RABGAP1L: variants seen among roughly 807,000 people sequenced by gnomAD.
RABGAP1L encodes the protein RAB GTPase activating protein 1 like.
Under a neutral mutation model 137.7 loss-of-function variants are expected in RABGAP1L, and 63 were observed. That is an observed-to-expected ratio of 0.46 (90% confidence interval 0.37 to 0.56). The LOEUF (loss-of-function observed/expected upper bound fraction) is 0.56, where lower values mean the gene tolerates loss of function less well. RABGAP1L is among the 20% of genes least tolerant of loss of function. The probability of loss-of-function intolerance (pLI) is 0.00; values close to 1 mark genes in which losing one functional copy is unlikely to be tolerated. For synonymous variants in RABGAP1L, 431 were observed against 433.7 expected, an observed-to-expected ratio of 0.99 and a Z score of 0.08; for missense variants, 1,095 against 1,244.0, an observed-to-expected ratio of 0.88 and a Z score of 1.80.
At chr1:174,833,408 G>GTGTGTGTGTATATATA (rs754029582) in intron 19 of RABGAP1L, among the ~76,000 whole-genome samples, 5 of 67,682 alleles carry the variant, frequency 7.4e-5, no homozygotes, top group East Asian at 4.0e-4. Flanking sequence ...GTGTATGTGT[G>GTGTGTGTGTATATATA]TATGTGTGTG....
At chr1:174,947,449 C>T (rs1667063471) in intron 19 of RABGAP1L, among the ~76,000 whole-genome samples, 3 of 151,784 alleles carry the variant, frequency 2.0e-5, no homozygotes. Flanking sequence ...TGGAGTTTCG[C>T]TCCTGTCACC....
chr1:174,776,052 T>C (rs936832656), intron 18 of RABGAP1L, among the ~76,000 whole-genome samples: 2 of 152,102 alleles, frequency 1.3e-5, no homozygotes, highest in Admixed American at 6.6e-5. Context: ...CCATTTTCCA[T>C]TGTCCTCCAT....
At chr1:174,202,469 A>G (rs1217755932) in intron 1 of RABGAP1L, among the ~76,000 whole-genome samples, 1 of 152,164 alleles carries the variant, frequency 6.6e-6, no homozygotes, top group Non-Finnish European at 1.5e-5. Flanking sequence ...GTGTCTGTTC[A>G]TATCCTTCGC....
chr1:174,894,341 A>G (rs1656775184), intron 19 of RABGAP1L, among the ~76,000 whole-genome samples: 1 of 152,230 alleles, frequency 6.6e-6, no homozygotes, highest in Non-Finnish European at 1.5e-5. Context: ...GACAGGAAAT[A>G]TATCTTCCAT....
chr1:174,646,336 T>A (rs932773692), intron 14 of RABGAP1L, among the ~76,000 whole-genome samples: 2 of 152,204 alleles, frequency 1.3e-5, no homozygotes, highest in Non-Finnish European at 2.9e-5. Flanking sequence ...AGGATTTTTA[T>A]GGTTTTAGGT....
At chr1:174,743,691 T>TA (rs1275253397) in intron 17 of RABGAP1L, among the ~76,000 whole-genome samples, 6 of 151,900 alleles carry the variant, frequency 3.9e-5, no homozygotes, top group African/African-American at 1.5e-4. Flanking sequence ...TATGTTTTTT[T>TA]AAAAAAAATT....
intron 10 of RABGAP1L, among the ~76,000 whole-genome samples, chr1:174,279,195 C>G (rs1675273165): frequency 6.6e-6 from 1 of 151,990 alleles, no homozygotes; most frequent in South Asian, 2.1e-4. Context: ...ATTAGATAGA[C>G]AATATTATAT....
intron 13 of RABGAP1L, among the ~76,000 whole-genome samples, chr1:174,478,485 C>T (rs1443241689): frequency 6.6e-6 from 1 of 151,944 alleles, no homozygotes; most frequent in Non-Finnish European, 1.5e-5. Flanking sequence ...CTGTGTTGCC[C>T]AGGCTAATCT....
chr1:174,983,758 G>A (rs1167646903), intron 24 of RABGAP1L, among the ~76,000 whole-genome samples: 2 of 152,116 alleles, frequency 1.3e-5, no homozygotes, highest in Non-Finnish European at 2.9e-5. Context: ...TGTATATAAA[G>A]TGCTTATATT....
chr1:174,368,114 C>G (rs535258565), intron 11 of RABGAP1L: 2 of 152,316 alleles, frequency 1.3e-5, no homozygotes, highest in African/African-American at 4.8e-5. Context: ...CATGCACACA[C>G]GCAAGCAGAC....
chr1:174,620,639 A>G (rs368189423), intron 13 of RABGAP1L, among the ~76,000 whole-genome samples: 1 of 152,250 alleles, frequency 6.6e-6, no homozygotes. Context: ...AAAGCAGTGT[A>G]TAGAGGGAAA....
intron 19 of RABGAP1L, among the ~76,000 whole-genome samples, chr1:174,863,700 G>C (rs11809803): frequency 2.0e-5 from 3 of 148,452 alleles, no homozygotes; most frequent in South Asian, 4.3e-4. Flanking sequence ...AATGTTTTCT[G>C]GCCAGGCACA....
chr1:174,776,750 G>GTT (rs1466645689), intron 18 of RABGAP1L, among the ~76,000 whole-genome samples: 3 of 152,168 alleles, frequency 2.0e-5, no homozygotes, highest in Non-Finnish European at 4.4e-5. Flanking sequence ...ACAAACTGGA[G>GTT]TCAGAAGGCA....
intron 10 of RABGAP1L, among the ~76,000 whole-genome samples, chr1:174,304,715 C>CTGATGAAA (rs1270539611): frequency 1.3e-5 from 2 of 152,058 alleles, no homozygotes; most frequent in Non-Finnish European, 1.5e-5. Flanking sequence ...TCTGGTGTCT[C>CTGATGAAA]AGGTTTTTCT....
At chr1:174,532,240 G>T (rs921590804) in intron 13 of RABGAP1L, among the ~76,000 whole-genome samples, 7 of 149,386 alleles carry the variant, frequency 4.7e-5, no homozygotes, top group African/African-American at 1.2e-4. Context: ...ACACAGTCTT[G>T]CTCTGTCACC....
intron 14 of RABGAP1L, among the ~76,000 whole-genome samples, chr1:174,644,960 T>G (rs1416882385): frequency 1.3e-5 from 2 of 152,138 alleles, no homozygotes; most frequent in African/African-American, 4.8e-5. Flanking sequence ...CCACAGTGAT[T>G]TATAGATTAA....
At chr1:174,682,597 G>A (rs75191628) in intron 14 of RABGAP1L, among the ~76,000 whole-genome samples, 2,341 of 151,878 alleles carry the variant, frequency 0.015, 42 homozygotes, top group African/African-American at 0.054. Flanking sequence ...CCTTTGATCT[G>A]CACACTCTAC....
intron 1 of RABGAP1L, among the ~76,000 whole-genome samples, chr1:174,182,074 G>C (rs1211662956): frequency 6.6e-6 from 1 of 152,198 alleles, no homozygotes; most frequent in Non-Finnish European, 1.5e-5. Flanking sequence ...AAGTAATACA[G>C]ATCATGTTAA....
chr1:174,374,770 T>C (rs746572212), intron 12 of RABGAP1L, among the ~76,000 whole-genome samples: 25 of 152,324 alleles, frequency 1.6e-4, no homozygotes, highest in Non-Finnish European at 3.2e-4. Flanking sequence ...CCAGTGAAGC[T>C]TTTATAAACC....
Sources: gnomAD v4.1 joint callset for allele counts (sites outside exome capture counted in the v4.1 genomes callset) on GRCh38, gnomAD v4.1.1 for gene constraint, MANE v1.5 for transcripts, NCBI Gene and HGNC (gene_info 2026-07-23, HGNC 2026-07-21) for gene names.